STEAP1B: variants seen among roughly 807,000 people sequenced by gnomAD.
STEAP1B encodes STEAP family protein MGC87042.
STEAP1B carries 13 observed loss-of-function variants against 27.9 expected under a neutral mutation model. That is an observed-to-expected ratio of 0.47 (90% CI 0.30 to 0.74). The LOEUF is 0.74. Ranked by LOEUF, STEAP1B falls within the 30% of genes least tolerant of loss-of-function variation. The probability of loss-of-function intolerance (pLI) is 0.06; values close to 1 mark genes in which losing one functional copy is unlikely to be tolerated. For synonymous variants in STEAP1B, 86 were observed against 107.1 expected (o/e 0.80, Z 1.22); for missense variants, 250 against 298.7 (o/e 0.84, Z 1.20).
chr7:22,453,536 T>C (rs1484472021), intron 4 of STEAP1B, among the ~76,000 whole-genome samples: 1 of 152,226 alleles, frequency 6.6e-6, no homozygotes, highest in African/African-American at 2.4e-5. Context: ...CTCTTTTCTG[T>C]GACTTTTAAT....
intron 4 of STEAP1B, among the ~76,000 whole-genome samples, chr7:22,471,970 T>C (rs941971760): frequency 6.6e-6 from 1 of 151,120 alleles, no homozygotes; most frequent in Admixed American, 6.6e-5. Context: ...TAAAAGGCTG[T>C]GTTTCTGGCT....
intron 4 of STEAP1B, among the ~76,000 whole-genome samples, chr7:22,432,838 G>A (rs1308620685): frequency 1.3e-5 from 2 of 152,106 alleles, no homozygotes; most frequent in African/African-American, 2.4e-5. Context: ...GATCCACTAC[G>A]GATTACATAG....
At chr7:22,477,966 T>A (rs1786001888) in intron 4 of STEAP1B, among the ~76,000 whole-genome samples, 1 of 152,160 alleles carries the variant, frequency 6.6e-6, no homozygotes, top group African/African-American at 2.4e-5. Flanking sequence ...CACACAGTAC[T>A]CTTCCTACTC....
chr7:22,492,630 A>G lies in STEAP1B; in HGVS notation c.697T>C (p.Leu233=). The G allele has an allele frequency of 6.2e-7, 1 of 1,613,728 alleles. No individual in the cohort carries two copies. The highest frequency in any genetic ancestry group is 1.3e-5 in the African/African-American group (1 of 75,014). ...GIVGLAILAL[L]AVTSIPSVSD... ...ACAGATGGAATAGATGTCACAGCCA[A>G]CAGAGCCAGTATTGCCAGTCCCACA... The change falls in exon 4 of 5, where the codon TTG becomes CTG. Residue 233 remains leucine (L), a synonymous_variant. Transcript: ENST00000678116.
At chr7:22,484,689 T>C (rs1276646024) in intron 4 of STEAP1B, among the ~76,000 whole-genome samples, 1 of 152,250 alleles carries the variant, frequency 6.6e-6, no homozygotes, top group Non-Finnish European at 1.5e-5. Flanking sequence ...AGAGATGCCA[T>C]AGGTAATGAT....
chr7:22,438,787 G>A (rs773692284), intron 4 of STEAP1B: 6 of 1,534,574 alleles, frequency 3.9e-6, no homozygotes, highest in South Asian at 2.5e-5. Context: ...TACATTTGGT[G>A]CCTGTGTAAA....
At chr7:22,427,848 A>G (rs936081818) in intron 4 of STEAP1B, among the ~76,000 whole-genome samples, 1 of 152,384 alleles carries the variant, frequency 6.6e-6, no homozygotes, top group South Asian at 2.1e-4. Flanking sequence ...GAGGAAAGGT[A>G]CGAGTAGAGA....
At chr7:22,443,976 C>T (rs1785371861) in intron 4 of STEAP1B, among the ~76,000 whole-genome samples, 2 of 152,184 alleles carry the variant, frequency 1.3e-5, no homozygotes, top group Admixed American at 1.3e-4. Context: ...GTGCTGAGTC[C>T]CACTGCCCTG....
chr7:22,475,830 C>A (rs28485709), intron 4 of STEAP1B, among the ~76,000 whole-genome samples: 71,813 of 151,984 alleles, frequency 0.47, 17,352 homozygotes, highest in African/African-American at 0.57. Flanking sequence ...TGGATCAAAT[C>A]AAGGTTGCCA....
intron 4 of STEAP1B, among the ~76,000 whole-genome samples, chr7:22,436,463 G>T (rs1785255926): frequency 6.6e-6 from 1 of 152,134 alleles, no homozygotes; most frequent in Non-Finnish European, 1.5e-5. Flanking sequence ...TTGTCATATA[G>T]GTAAACTTGT....
At chr7:22,466,552 C>A (rs1038068223) in intron 4 of STEAP1B, among the ~76,000 whole-genome samples, 1 of 152,032 alleles carries the variant, frequency 6.6e-6, no homozygotes, top group African/African-American at 2.4e-5. Flanking sequence ...CCTGCCAGCA[C>A]CTTGATCTTG....
intron 3 of STEAP1B, among the ~76,000 whole-genome samples, 166 bp downstream of exon 3, chr7:22,493,158 C>A (rs1047531399): frequency 3.3e-5 from 5 of 152,194 alleles, no homozygotes; most frequent in African/African-American, 1.2e-4. Context: ...ATAAAACCGA[C>A]TGACAACCAA....
At chr7:22,427,213 CT>C (rs1323078242) in intron 4 of STEAP1B, among the ~76,000 whole-genome samples, 2 of 152,212 alleles carry the variant, frequency 1.3e-5, no homozygotes, top group Non-Finnish European at 2.9e-5. Flanking sequence ...AGAAGGCTCA[CT>C]CTGAGTGCTG....
At chr7:22,496,897 C>T (rs1199103494) in intron 1 of STEAP1B, among the ~76,000 whole-genome samples, 2 of 152,170 alleles carry the variant, frequency 1.3e-5, no homozygotes, top group African/African-American at 2.4e-5. Flanking sequence ...TTTATATACG[C>T]CAACATTTAC....
intron 4 of STEAP1B, among the ~76,000 whole-genome samples, chr7:22,479,337 G>A (rs558910254): frequency 3.3e-5 from 5 of 152,310 alleles, no homozygotes; most frequent in Admixed American, 1.3e-4. Context: ...GAGAATCCTC[G>A]CTGCCTGCCC....
At chr7:22,489,087 G>A (rs1285899190) in intron 4 of STEAP1B, among the ~76,000 whole-genome samples, 1 of 152,138 alleles carries the variant, frequency 6.6e-6, no homozygotes, top group South Asian at 2.1e-4. Flanking sequence ...AACCAGGCAG[G>A]GAGAAACCAG....
At position 22,493,467 on chromosome 7, in the gene STEAP1B, G is replaced by A. The variant is rs752350715; in HGVS notation, c.454C>T (p.His152Tyr). Reference protein sequence around the residue: ...HNGTKYKKFPHWLDKWMLTRK... With the variant: ...HNGTKYKKFPYWLDKWMLTRK... ...GTTAACATCCACTTATCCAACCAATGTGGAAACTTCTTATACTTGGTTCCA... is the reference window on the plus strand; with the variant it reads ...GTTAACATCCACTTATCCAACCAATATGGAAACTTCTTATACTTGGTTCCA... Residue 152 changes from histidine to tyrosine, a missense_variant, in exon 3 of 5, where the codon CAT becomes TAT. Coordinates refer to ENST00000678116, the MANE Select transcript of STEAP1B (RefSeq NM_001382447.1). 3 of 1,613,518 alleles carry A rather than the reference G, an allele frequency of 1.9e-6. No homozygotes were observed. The African/African-American group carries it at 4.0e-5, about 22-fold the overall frequency.
In STEAP1B at chr7:22,456,952, C is replaced by CTATATATATATATATATATATATATATA. The variant is rs199847360; in HGVS notation, c.762+35612_762+35613insTATATATATATATATATATATATATATA. Among the ~76,000 whole-genome samples, 35 of 73,188 alleles carry CTATATATATATATATATATATATATATA rather than the reference C, an allele frequency of 4.8e-4. 3 individuals carry two copies. Among genetic ancestry groups the CTATATATATATATATATATATATATATA allele is most frequent in the South Asian group, 1.9e-3 (3 of 1,586 alleles). 48.0% of individuals were successfully genotyped at this position (73,188 alleles called of 152,430 possible). A position where few individuals can be genotyped will look rare whatever the true frequency, so the allele number is the denominator to read the frequency against. On this transcript the variant is annotated intron_variant, in intron 4 of 4. Coordinates refer to ENST00000678116, the MANE Select transcript of STEAP1B (RefSeq NM_001382447.1). ...TTCAGAATGGGGGTGGGATAGGCAG[C>CTATATATATATATATATATATATATATA]TATATATATATATATATATATTTTT...
chr7:22,438,889 T>G, intron 4 of STEAP1B: 1 of 1,205,818 alleles, frequency 8.3e-7, no homozygotes, highest in Non-Finnish European at 1.1e-6. Flanking sequence ...TCTCAACTAT[T>G]TTATTATTTG....
Sources: allele counts gnomAD v4.1 joint callset (sites outside exome capture counted in the v4.1 genomes callset), GRCh38; gene constraint gnomAD v4.1.1; transcripts MANE v1.5; gene names NCBI Gene and HGNC (gene_info 2026-07-23, HGNC 2026-07-21).